Variants in CLSTN2 observed in about 807,000 individuals in gnomAD.
The protein encoded by CLSTN2 is calsyntenin 2.
Under a neutral mutation model 101.2 loss-of-function variants are expected in CLSTN2, and 48 were observed. That is an observed-to-expected ratio of 0.47 (90% CI 0.38 to 0.60). The LOEUF (loss-of-function observed/expected upper bound fraction) is 0.60, where lower values mean the gene tolerates loss of function less well. Among genes scored for constraint, CLSTN2 ranks in the 20% least tolerant of loss-of-function variants. The pLI is 0.00. For missense variants in CLSTN2, 1,160 were observed against 1,238.2 expected, an observed-to-expected ratio of 0.94 and a Z score of 0.95; for synonymous variants, 481 against 463.6, an observed-to-expected ratio of 1.04 and a Z score of -0.48.
At chr3:139,953,163 T>C (rs1935321474) in intron 1 of CLSTN2, among the ~76,000 whole-genome samples, 1 of 152,242 alleles carries the variant, frequency 6.6e-6, no homozygotes, top group African/African-American at 2.4e-5. Context: ...AGGAAATGCC[T>C]TTCATCAGGC....
At chr3:140,031,606 T>C (rs1319578350) in intron 1 of CLSTN2, among the ~76,000 whole-genome samples, 1 of 152,242 alleles carries the variant, frequency 6.6e-6, no homozygotes, top group Admixed American at 6.5e-5. Flanking sequence ...AGTTTTCTCC[T>C]TTCAACTGTA....
At position 140,351,709 on chromosome 3, in the gene CLSTN2, C is replaced by T. The variant is rs994125889; in HGVS notation, c.233-51920C>T. 2.6e-5 allele frequency among the ~76,000 whole-genome samples: 4 copies of T among 152,046 alleles called. No individual in the cohort carries two copies. In the East Asian group the frequency reaches 5.8e-4, roughly 22 times the overall value. The stretch of plus-strand genomic sequence containing the variant: ...ATTTGTCCTGCAGGCTCTAGAGGCC[C>T]GACCTCTGTTGGTGGAGCAAAGATA... On this transcript the variant is annotated intron_variant, in intron 2 of 16. Coordinates refer to ENST00000458420, the MANE Select transcript of CLSTN2 (RefSeq NM_022131.3).
intron 2 of CLSTN2, among the ~76,000 whole-genome samples, chr3:140,185,131 T>C (rs2010468219): frequency 6.6e-6 from 1 of 152,142 alleles, no homozygotes; most frequent in East Asian, 1.9e-4. Context: ...TTTTATTTGC[T>C]ATATCCCAAG....
intron 9 of CLSTN2, among the ~76,000 whole-genome samples, chr3:140,533,481 G>A (rs1017167908): frequency 3.3e-5 from 5 of 152,122 alleles, no homozygotes; most frequent in Middle Eastern, 3.4e-3. Context: ...AGGCCAAAGC[G>A]GGCAGATCAC....
chr3:140,204,670 G>A (rs183798894), intron 2 of CLSTN2, among the ~76,000 whole-genome samples: 5 of 152,296 alleles, frequency 3.3e-5, no homozygotes, highest in Admixed American at 1.3e-4. Flanking sequence ...TGATCAGCCT[G>A]TCACTCCAAT....
chr3:140,344,969 C>T (rs1459173815), intron 2 of CLSTN2, among the ~76,000 whole-genome samples: 1 of 152,132 alleles, frequency 6.6e-6, no homozygotes, highest in Non-Finnish European at 1.5e-5. Flanking sequence ...AGTGGGCAGG[C>T]CATTTGGAAT....
intron 1 of CLSTN2, among the ~76,000 whole-genome samples, chr3:140,097,740 G>A (rs1670691705): frequency 6.6e-6 from 1 of 152,092 alleles, no homozygotes; most frequent in African/African-American, 2.4e-5. Context: ...TCTACAGATG[G>A]GATCCATTGA....
chr3:140,348,012 T>G (rs922848904), intron 2 of CLSTN2, among the ~76,000 whole-genome samples: 1 of 152,210 alleles, frequency 6.6e-6, no homozygotes, highest in Non-Finnish European at 1.5e-5. Context: ...GATTATCACT[T>G]GGAAAGTTAG....
intron 2 of CLSTN2, among the ~76,000 whole-genome samples, chr3:140,335,468 A>AT (rs2087430872): frequency 1.3e-5 from 2 of 151,084 alleles, no homozygotes; most frequent in Non-Finnish European, 3.0e-5. Context: ...AAAAAAAAAA[A>AT]GCCCCACTGA....
At chr3:140,187,765 C>T (rs1231241762) in intron 2 of CLSTN2, among the ~76,000 whole-genome samples, 1 of 152,160 alleles carries the variant, frequency 6.6e-6, no homozygotes, top group African/African-American at 2.4e-5. Context: ...TCCTCTCATG[C>T]CCACATTCAG....
At chr3:140,178,424 G>A (rs541571588) in intron 2 of CLSTN2, among the ~76,000 whole-genome samples, 2 of 152,284 alleles carry the variant, frequency 1.3e-5, no homozygotes, top group South Asian at 4.1e-4. Flanking sequence ...ACCATTAGAT[G>A]CACCCACAAC....
At chr3:140,437,019 A>G (rs1343965984) in intron 5 of CLSTN2, among the ~76,000 whole-genome samples, 1 of 149,178 alleles carries the variant, frequency 6.7e-6, no homozygotes, top group Non-Finnish European at 1.5e-5. Flanking sequence ...GCAGGCAAGG[A>G]GCAGGGACCT....
intron 2 of CLSTN2, among the ~76,000 whole-genome samples, chr3:140,393,144 A>G (rs2088137910): frequency 6.6e-6 from 1 of 152,146 alleles, no homozygotes; most frequent in East Asian, 1.9e-4. Context: ...AAATTTCAAC[A>G]TGAATTTTGG....
chr3:140,289,519 A>G (rs2086929629), intron 2 of CLSTN2, among the ~76,000 whole-genome samples: 3 of 152,166 alleles, frequency 2.0e-5, no homozygotes, highest in Admixed American at 1.3e-4. Flanking sequence ...GCCTAATTCC[A>G]TATCACAATC....
chr3:140,329,197 G>A (rs1205248317), intron 2 of CLSTN2, among the ~76,000 whole-genome samples: 1 of 152,038 alleles, frequency 6.6e-6, no homozygotes, highest in Non-Finnish European at 1.5e-5. Flanking sequence ...GACCAGCCTG[G>A]CCAACATGGC....
rs1935278029 is a variant in CLSTN2, at chr3:140,532,475, CT to C, written c.1498del (p.Cys500ValfsTer35). On this transcript the variant is annotated frameshift_variant, in exon 9 of 17. Transcript: ENST00000458420. LOFTEE classifies it high-confidence loss of function. ...SHIAMQLTVG[A>X]CWQGGEVTKP... ...ATAGCCATGCAACTCACAGTCGGCG[CT>C]TGTTGGCAAGGTAATCCTAAGTGAA... 6.2e-7 allele frequency: 1 copy of C among 1,612,840 alleles called. No homozygotes were observed. The highest frequency in any genetic ancestry group is 8.5e-7 in the Non-Finnish European group (1 of 1,179,366).
intron 2 of CLSTN2, among the ~76,000 whole-genome samples, chr3:140,205,247 C>T (rs1402646022): frequency 6.6e-6 from 1 of 152,106 alleles, no homozygotes; most frequent in East Asian, 1.9e-4. Flanking sequence ...ATCATTATAC[C>T]TACGTGTGGT....
At chr3:140,122,225 A>G (rs2009354145) in intron 1 of CLSTN2, among the ~76,000 whole-genome samples, 2 of 152,212 alleles carry the variant, frequency 1.3e-5, no homozygotes, top group African/African-American at 4.8e-5. Context: ...TTTTGCAGCC[A>G]GAAGACACCT....
rs1019514163 is a variant in CLSTN2 at position 140,571,111 on chromosome 3, C to T, written c.*4858C>T. On this transcript the variant is annotated 3_prime_UTR_variant, in exon 17 of 17. Coordinates refer to ENST00000458420, the MANE Select transcript of CLSTN2 (RefSeq NM_022131.3). ...AACTCCACTGAGGCAAGTGTTAGCC[C>T]CCCAAGGCTCAGTGCCTTCCCAGCA... 6.6e-6 allele frequency: 1 copy of T among 152,306 alleles called. No homozygotes were observed. Among genetic ancestry groups the T allele is most frequent in the African/African-American group, 2.4e-5 (1 of 41,562 alleles). 9.4% of individuals were successfully genotyped at this position (152,306 alleles called of 1,614,324 possible).
Sources: gnomAD v4.1 joint callset for allele counts (sites outside exome capture counted in the v4.1 genomes callset) on GRCh38, gnomAD v4.1.1 for gene constraint, MANE v1.5 for transcripts, NCBI Gene and HGNC (gene_info 2026-07-23, HGNC 2026-07-21) for gene names.